The following SLCO3A1 variants were observed in gnomAD, a reference collection of about 807,000 sequenced individuals.
SLCO3A1 encodes the protein solute carrier organic anion transporter family member 3A1.
SLCO3A1 carries 27 observed loss-of-function variants against 63.1 expected under a neutral mutation model. The observed-to-expected ratio is 0.43, with a 90% CI of 0.32 to 0.59. The LOEUF is 0.59. SLCO3A1 is among the 20% of genes least tolerant of loss of function. SLCO3A1 has a pLI of 0.09. For synonymous variants in SLCO3A1, 473 were observed against 409.9 expected, an observed-to-expected ratio of 1.15 and a Z score of -1.86; for missense variants, 773 against 945.8, an observed-to-expected ratio of 0.82 and a Z score of 2.40.
In SLCO3A1 at chr15:92,162,862, G is replaced by A. The variant is rs2048457109; in HGVS notation, c.1860G>A (p.Val620=). The A allele has an allele frequency of 1.2e-6, 2 of 1,614,148 alleles. No homozygotes were observed. The highest frequency in any genetic ancestry group is 1.7e-6 in the Non-Finnish European group (2 of 1,180,026). Residue 620 remains valine, a synonymous_variant, in exon 10 of 10, where the codon GTG becomes GTA. Coordinates refer to ENST00000318445, the MANE Select transcript of SLCO3A1 (RefSeq NM_013272.4). Reference sequence around the variant, plus strand: ...GCGCCTGCGTCCTCTACGACAATGTGGTCTACCGATACCTGTATGTCAGCA... The same window carrying A: ...GCGCCTGCGTCCTCTACGACAATGTAGTCTACCGATACCTGTATGTCAGCA... ...EQGACVLYDN[V]VYRYLYVSIA...
chr15:92,065,227 C>T (rs527656416), intron 2 of SLCO3A1, among the ~76,000 whole-genome samples: 5 of 152,092 alleles, frequency 3.3e-5, no homozygotes, highest in Non-Finnish European at 7.4e-5. Flanking sequence ...GGACTACAGG[C>T]GTGTGCCATC....
chr15:91,880,173 C>CTATG (rs1567168798), intron 1 of SLCO3A1, among the ~76,000 whole-genome samples: 4 of 148,734 alleles, frequency 2.7e-5, no homozygotes, highest in Non-Finnish European at 6.0e-5. Context: ...ATCCATCCAT[C>CTATG]TATCTATCTA....
chr15:92,161,594 G>C (rs184952989), intron 9 of SLCO3A1: 1 of 152,250 alleles, frequency 6.6e-6, no homozygotes, highest in African/African-American at 2.4e-5. Context: ...AAGCGAAGTT[G>C]TCAGTATATA....
intron 2 of SLCO3A1, among the ~76,000 whole-genome samples, chr15:92,020,196 G>A (rs2046490598): frequency 6.6e-6 from 1 of 151,472 alleles, no homozygotes; most frequent in South Asian, 2.1e-4. Flanking sequence ...ATGTGTGCAT[G>A]TGTATATATA....
chr15:92,022,550 G>A (rs538544375), intron 2 of SLCO3A1, among the ~76,000 whole-genome samples: 4 of 152,324 alleles, frequency 2.6e-5, no homozygotes, highest in East Asian at 3.9e-4. Context: ...CAAAACGCTC[G>A]TGAGAGAAGA....
chr15:92,045,452 G>GT (rs1247928620), intron 2 of SLCO3A1, among the ~76,000 whole-genome samples: 1 of 151,896 alleles, frequency 6.6e-6, no homozygotes, highest in Non-Finnish European at 1.5e-5. Context: ...GCATATAAAG[G>GT]TAATATTATT....
At chr15:91,984,484 G>A (rs980634383) in intron 2 of SLCO3A1, among the ~76,000 whole-genome samples, 1 of 152,148 alleles carries the variant, frequency 6.6e-6, no homozygotes, top group African/African-American at 2.4e-5. Flanking sequence ...TCAGATAAGA[G>A]GTTCCAAATG....
At position 92,134,676 on chromosome 15, in the gene SLCO3A1, CTTAT is replaced by C. The variant is rs2048034915; in HGVS notation, c.1512+6190_1512+6193del. 2.6e-5 allele frequency among the ~76,000 whole-genome samples: 4 copies of C among 152,246 alleles called. No homozygotes were observed. The South Asian group carries it at 6.2e-4, about 24-fold the overall frequency. On this transcript the variant is annotated intron_variant, in intron 7 of 9. Transcript: ENST00000318445. The stretch of plus-strand genomic sequence containing the variant: ...TTAGGGGCCAAAAAACTAAATTTTG[CTTAT>C]TTGTTTCCAGTTTTTGTGTATATTT...
At chr15:91,969,211 G>C (rs1900768806) in intron 2 of SLCO3A1, among the ~76,000 whole-genome samples, 1 of 152,100 alleles carries the variant, frequency 6.6e-6, no homozygotes, top group South Asian at 2.1e-4. Flanking sequence ...TCATTTTTTG[G>C]GGTAGAAGTG....
intron 2 of SLCO3A1, among the ~76,000 whole-genome samples, chr15:92,038,071 G>A (rs2046749759): frequency 6.6e-6 from 1 of 152,204 alleles, no homozygotes. Context: ...TCACAGAAGA[G>A]CAGAGTGTAC....
At chr15:91,945,328 T>G (rs560131273) in intron 2 of SLCO3A1, among the ~76,000 whole-genome samples, 24 of 126,218 alleles carry the variant, frequency 1.9e-4, no homozygotes, top group African/African-American at 7.6e-4. Flanking sequence ...GGAGACAGAG[T>G]GAGACTCCAT....
At chr15:92,156,078 C>T (rs1386476385) in intron 9 of SLCO3A1, among the ~76,000 whole-genome samples, 1 of 152,200 alleles carries the variant, frequency 6.6e-6, no homozygotes, top group Non-Finnish European at 1.5e-5. Flanking sequence ...ACATCCTAGA[C>T]ACTCCTGCTG....
At chr15:92,016,549 G>A (rs534559045) in intron 2 of SLCO3A1, among the ~76,000 whole-genome samples, 1 of 152,312 alleles carries the variant, frequency 6.6e-6, no homozygotes, top group African/African-American at 2.4e-5. Context: ...TTGACATGGA[G>A]GTAGGTAGTG....
At chr15:91,931,816 C>CACACACACAA (rs1899245297) in intron 2 of SLCO3A1, among the ~76,000 whole-genome samples, 1 of 151,802 alleles carries the variant, frequency 6.6e-6, no homozygotes, top group African/African-American at 2.4e-5. Flanking sequence ...CACACACACA[C>CACACACACAA]ACACACTCAC....
At chr15:92,105,439 T>TGCTATCA (rs1470995518) in intron 4 of SLCO3A1, among the ~76,000 whole-genome samples, 1 of 152,074 alleles carries the variant, frequency 6.6e-6, no homozygotes, top group Non-Finnish European at 1.5e-5. Flanking sequence ...CTATCATTTT[T>TGCTATCA]TAAAGAAAAA....
chr15:92,082,191 A>C (rs1189403300), intron 2 of SLCO3A1, among the ~76,000 whole-genome samples: 1 of 152,216 alleles, frequency 6.6e-6, no homozygotes, highest in Admixed American at 6.5e-5. Flanking sequence ...GCACCAGATA[A>C]ATGTGTATTG....
intron 2 of SLCO3A1, among the ~76,000 whole-genome samples, chr15:91,932,590 G>A (rs753821241): frequency 6.6e-5 from 10 of 152,022 alleles, no homozygotes; most frequent in Non-Finnish European, 1.2e-4. Flanking sequence ...TTACAGGCAT[G>A]TGCCACCATA....
At chr15:92,091,533 T>G (rs542542151) in intron 2 of SLCO3A1, among the ~76,000 whole-genome samples, 3 of 152,336 alleles carry the variant, frequency 2.0e-5, no homozygotes, top group East Asian at 3.9e-4. Context: ...CGTTGTTAGC[T>G]CAGAACCTGC....
At chr15:92,000,540 A>G (rs201998647) in intron 2 of SLCO3A1, among the ~76,000 whole-genome samples, 8 of 138,950 alleles carry the variant, frequency 5.8e-5, no homozygotes, top group South Asian at 2.4e-4. Flanking sequence ...TTGAATGCAG[A>G]AAAAAAAGGA....
Sources: allele counts gnomAD v4.1 joint callset (sites outside exome capture counted in the v4.1 genomes callset), GRCh38; gene constraint gnomAD v4.1.1; transcripts MANE v1.5; gene names NCBI Gene and HGNC (gene_info 2026-07-23, HGNC 2026-07-21).